TRIM71: variants seen among roughly 807,000 people sequenced by gnomAD.
TRIM71 encodes E3 ubiquitin-protein ligase TRIM71.
In TRIM71, 9 loss-of-function variants were observed where a neutral mutation model predicts 61.2. The ratio of observed to expected loss-of-function variants is 0.15; its 90% CI spans 0.09 to 0.26. The LOEUF is 0.26. TRIM71 is among the 10% of genes least tolerant of loss of function. The pLI is 1.00. For missense variants in TRIM71, 998 were observed against 1,238.7 expected (o/e 0.81, Z 2.92); for synonymous variants, 645 against 553.2 (o/e 1.17, Z -2.33).
chr3:32,834,103 G>C (rs1388478279), intron 1 of TRIM71, among the ~76,000 whole-genome samples: 2 of 152,226 alleles, frequency 1.3e-5, no homozygotes, highest in Non-Finnish European at 2.9e-5. Flanking sequence ...GCTGTGGACT[G>C]ACCCAAATAT....
chr3:32,843,209 TTCCTGCTACTTTCACC>T (rs1214533130), intron 1 of TRIM71, among the ~76,000 whole-genome samples: 1 of 152,168 alleles, frequency 6.6e-6, no homozygotes, highest in Non-Finnish European at 1.5e-5. Context: ...AGCCCTCTGC[TTCCTGCTACTTTCACC>T]CCCCAAGATC....
At chr3:32,822,935 T>C (rs1424552761) in intron 1 of TRIM71, among the ~76,000 whole-genome samples, 1 of 152,194 alleles carries the variant, frequency 6.6e-6, no homozygotes, top group Non-Finnish European at 1.5e-5. Flanking sequence ...TTCAACAAAT[T>C]TTTAAAAAAA....
At chr3:32,823,400 G>A (rs1401795104) in intron 1 of TRIM71, among the ~76,000 whole-genome samples, 1 of 152,182 alleles carries the variant, frequency 6.6e-6, no homozygotes, top group South Asian at 2.1e-4. Flanking sequence ...GGCTGTTGTG[G>A]TATCAGCACT....
intron 1 of TRIM71, among the ~76,000 whole-genome samples, chr3:32,867,948 T>C (rs1056836749): frequency 1.3e-5 from 2 of 152,092 alleles, no homozygotes; most frequent in Non-Finnish European, 2.9e-5. Flanking sequence ...CTAACACCCC[T>C]TTTTTTATTG....
chr3:32,893,743 A>G lies in TRIM71; in HGVS notation c.*1932A>G, dbSNP rs1257117780. ...ATGATGGGGACAGTGTGACAAGTCA[A>G]TCAAGTTGCTTTTCCCGTACACCTC... is the stretch of plus-strand genomic sequence containing the variant. On this transcript the variant is annotated 3_prime_UTR_variant, in exon 4 of 4. Transcript: ENST00000383763. The G allele has an allele frequency of 6.6e-6, 1 of 152,086 alleles. No homozygotes were observed. Among genetic ancestry groups the G allele is most frequent in the Admixed American group, 6.5e-5 (1 of 15,280 alleles). 9.4% of individuals were successfully genotyped at this position (152,086 alleles called of 1,614,324 possible).
intron 2 of TRIM71, among the ~76,000 whole-genome samples, chr3:32,884,592 G>A (rs779792272): frequency 4.0e-5 from 6 of 151,816 alleles, no homozygotes; most frequent in Non-Finnish European, 8.8e-5. Context: ...CAGATCTGTA[G>A]AGAGACAGTA....
intron 1 of TRIM71, among the ~76,000 whole-genome samples, chr3:32,847,306 C>T (rs1696487047): frequency 6.6e-6 from 1 of 151,586 alleles, no homozygotes; most frequent in South Asian, 2.1e-4. Flanking sequence ...AAGTGATTCT[C>T]CTGCCTCCAC....
intron 1 of TRIM71, among the ~76,000 whole-genome samples, chr3:32,829,453 A>C (rs748425054): frequency 1.3e-5 from 2 of 152,160 alleles, no homozygotes; most frequent in Non-Finnish European, 2.9e-5. Context: ...CTGGGATTAC[A>C]GGCGTGAGCC....
At chr3:32,830,356 C>T (rs34406019) in intron 1 of TRIM71, among the ~76,000 whole-genome samples, 31,983 of 152,072 alleles carry the variant, frequency 0.21, 3,348 homozygotes, top group Middle Eastern at 0.31. Flanking sequence ...TGCAAAAAAC[C>T]GCCTGTCATT....
chr3:32,875,449 A>G (rs905897781), intron 2 of TRIM71, among the ~76,000 whole-genome samples: 3 of 152,222 alleles, frequency 2.0e-5, no homozygotes, highest in Non-Finnish European at 4.4e-5. Context: ...AGTCAAGAAA[A>G]GTTGTTCACC....
chr3:32,870,920 C>T (rs1696788615), intron 1 of TRIM71, among the ~76,000 whole-genome samples: 1 of 151,922 alleles, frequency 6.6e-6, no homozygotes, highest in Non-Finnish European at 1.5e-5. Flanking sequence ...TCAAGGAATC[C>T]TCCCACCTCA....
Position 32,886,042 on chromosome 3 carries a change from G to A in TRIM71, c.1129G>A (p.Glu377Lys). 6.2e-7 allele frequency: 1 copy of A among 1,614,004 alleles called. No individual in the cohort carries two copies. The highest frequency in any genetic ancestry group is 8.5e-7 in the Non-Finnish European group (1 of 1,179,940). ...VTARHKKALEERECELLWKVE... is the reference protein window; with the variant it reads ...VTARHKKALEKRECELLWKVE... ...GGCGAGGCATAAGAAAGCCCTGGAG[G>A]AACGCGAGTGTGAGCTGCTGTGGAA... Residue 377 changes from glutamate (E) to lysine (K), a missense_variant, in exon 3 of 4, where the codon GAA becomes AAA. This residue lies in a region of TRIM71 where 291 missense variants were observed against 431.2 expected (regional missense o/e 0.67). Coordinates refer to ENST00000383763, the MANE Select transcript of TRIM71 (RefSeq NM_001039111.3).
intron 1 of TRIM71, among the ~76,000 whole-genome samples, chr3:32,861,806 C>G (rs1696672188): frequency 6.6e-6 from 1 of 152,022 alleles, no homozygotes; most frequent in African/African-American, 2.4e-5. Context: ...TAGAAGAGCC[C>G]AGACTTGGGA....
At chr3:32,876,413 G>GT (rs1374528651) in intron 2 of TRIM71, among the ~76,000 whole-genome samples, 1 of 152,042 alleles carries the variant, frequency 6.6e-6, no homozygotes, top group Non-Finnish European at 1.5e-5. Context: ...GTGAAACCCC[G>GT]TCTCTACTAA....
intron 1 of TRIM71, among the ~76,000 whole-genome samples, chr3:32,868,580 A>G (rs1370784867): frequency 1.3e-5 from 2 of 152,066 alleles, no homozygotes; most frequent in Non-Finnish European, 2.9e-5. Flanking sequence ...CCAAGTTAAT[A>G]TAGTTAAGAG....
intron 1 of TRIM71, among the ~76,000 whole-genome samples, chr3:32,823,152 A>T (rs1031877743): frequency 6.6e-6 from 1 of 152,254 alleles, no homozygotes; most frequent in Non-Finnish European, 1.5e-5. Context: ...GCAGGTAGAC[A>T]TTAGGAAGCC....
chr3:32,875,312 T>C (rs931699652), intron 2 of TRIM71, among the ~76,000 whole-genome samples: 3 of 152,272 alleles, frequency 2.0e-5, no homozygotes, highest in African/African-American at 4.8e-5. Flanking sequence ...ACTTTGATAA[T>C]TGGCAGGGTT....
chr3:32,862,664 G>A (rs946993262), intron 1 of TRIM71, among the ~76,000 whole-genome samples: 6 of 152,206 alleles, frequency 3.9e-5, no homozygotes, highest in Non-Finnish European at 7.3e-5. Flanking sequence ...GTCCAAATCT[G>A]TCTTTCGTGT....
At chr3:32,882,649 C>A (rs749767397) in intron 2 of TRIM71, among the ~76,000 whole-genome samples, 1 of 152,156 alleles carries the variant, frequency 6.6e-6, no homozygotes, top group Non-Finnish European at 1.5e-5. Flanking sequence ...AAGACTCAAG[C>A]AATCCTTCCA....
Sources: allele counts gnomAD v4.1 joint callset (sites outside exome capture counted in the v4.1 genomes callset), GRCh38; gene constraint gnomAD v4.1.1; regional missense constraint gnomAD v4.1.1; transcripts MANE v1.5; gene names NCBI Gene and HGNC (gene_info 2026-07-23, HGNC 2026-07-21).